The following AP1M1 variants were observed in gnomAD, a reference collection of about 807,000 sequenced individuals.
AP1M1 encodes AP-1 complex subunit mu-1.
A neutral mutation model predicts 57.1 loss-of-function variants in AP1M1; 18 were observed. The ratio of observed to expected loss-of-function variants is 0.32; its 90% CI spans 0.22 to 0.47. AP1M1 has a LOEUF of 0.47. Ranked by LOEUF, AP1M1 falls within the 20% of genes least tolerant of loss-of-function variation. The pLI, the probability that AP1M1 is intolerant of heterozygous loss-of-function variation, is 1.00. For synonymous variants in AP1M1, 241 were observed against 237.9 expected (o/e 1.01, Z -0.12); for missense variants, 362 against 593.5 (o/e 0.61, Z 4.05).
chr19:16,219,250 T>C (rs1316381462), intron 5 of AP1M1, among the ~76,000 whole-genome samples: 1 of 152,220 alleles, frequency 6.6e-6, no homozygotes, highest in African/African-American at 2.4e-5. Flanking sequence ...TAGTGTATTA[T>C]AGGTTGAGTA....
rs1246389792 is a variant in AP1M1 at position 16,203,145 on chromosome 19, G to A, written c.43-314G>A. The A allele has an allele frequency of 2.8e-6, 1 of 360,992 alleles. No individual in the cohort carries two copies. The highest frequency in any genetic ancestry group is 5.2e-6 in the Non-Finnish European group (1 of 192,964). 22.4% of individuals were successfully genotyped at this position (360,992 alleles called of 1,614,324 possible). ...GGCTCTGAGAAGGTCTGCATTGAGA[G>A]CTTGTGAGGCATTGCTTAACCTGAT... On this transcript the variant is annotated intron_variant, in intron 1 of 11. Transcript: ENST00000291439. The surrounding 1 kb of genome is among the most constrained non-coding windows in gnomAD (Gnocchi z 4.6).
rs761207558 is a variant in AP1M1 at position 16,240,272 on chromosome 19, G to GTA, written c.*5839_*5840dup. 1.0e-3 allele frequency: 28 copies of GTA among 27,952 alleles called. No individual in the cohort carries two copies. The highest frequency in any genetic ancestry group is 2.9e-3 in the African/African-American group (26 of 8,814). 1.7% of individuals were successfully genotyped at this position (27,952 alleles called of 1,614,324 possible). On this transcript the variant is annotated 3_prime_UTR_variant, in exon 12 of 12. Transcript: ENST00000291439. ...TGTGTGTGTGTGTGTGTGTGTGTGT[G>GTA]TATGTGTGTGTGTGTGTGTGTGTGT...
rs1387599139 is a variant in AP1M1 at position 16,233,600 on chromosome 19, C to T, written c.1155C>T (p.Phe385=). The T allele has an allele frequency of 1.2e-6, 2 of 1,611,376 alleles. No individual in the cohort carries two copies. The highest frequency in any genetic ancestry group is 8.5e-7 in the Non-Finnish European group (1 of 1,178,944). Residue 385 remains phenylalanine (F), a synonymous_variant, in exon 10 of 12, where the codon TTC becomes TTT. Coordinates refer to ENST00000291439, the MANE Select transcript of AP1M1 (RefSeq NM_032493.4). The part of the protein sequence containing the change: ...PISVKFEIPY[F]TTSGIQVRYL... Reference sequence around the variant, plus strand: ...GTGTCAAGTTCGAGATCCCTTACTTCACTACCTCCGGCATCCAGGTACGTA... The same window carrying T: ...GTGTCAAGTTCGAGATCCCTTACTTTACTACCTCCGGCATCCAGGTACGTA...
rs1343557139 is a variant in AP1M1 at position 16,203,930 on chromosome 19, G to A, written c.199+315G>A. On this transcript the variant is annotated intron_variant, in intron 2 of 11. Transcript: ENST00000291439. The surrounding 1 kb of genome is among the most constrained non-coding windows in gnomAD (Gnocchi z 4.6). ...CTGGAGGGGTGGGCAGGCACTAGGC[G>A]TGGGTGAAGGCTCTGCAGGGAAGAG... Among the ~76,000 whole-genome samples the A allele has an allele frequency of 2.6e-5, 4 of 152,182 alleles. No homozygotes were observed. Among genetic ancestry groups the A allele is most frequent in the Admixed American group, 2.0e-4 (3 of 15,280 alleles).
In AP1M1 at chr19:16,228,306, G is replaced by A. The variant is rs991326145; in HGVS notation, c.888+98G>A. 13 of 1,246,064 alleles carry A rather than the reference G, an allele frequency of 1.0e-5. No individual in the cohort carries two copies. Among genetic ancestry groups the A allele is most frequent in the Non-Finnish European group, 1.3e-5 (11 of 874,578 alleles). The allele number at this position is 1,246,064 out of a possible 1,614,324, so 77.2% of individuals were successfully genotyped here. ...TGGGGGTGCCGTAGGGCTGCCATCC[G>A]TGCACCCTCACTGTGGCCTCAGATG... On this transcript the variant is annotated intron_variant, in intron 8 of 11. Transcript: ENST00000291439. This position sits in a 1 kb window ranked among gnomAD's most constrained non-coding sequence, Gnocchi z 5.0.
At chr19:16,216,643 G>T (rs1478265909) in intron 5 of AP1M1, among the ~76,000 whole-genome samples, 1 of 152,196 alleles carries the variant, frequency 6.6e-6, no homozygotes, top group Non-Finnish European at 1.5e-5. Flanking sequence ...CTGGGGGTTT[G>T]ATTGTGTATA....
Position 16,227,760 on chromosome 19 carries a change from C to G in AP1M1, c.816+70C>G. 1.3e-6 allele frequency: 2 copies of G among 1,557,900 alleles called. No individual in the cohort carries two copies. The highest frequency in any genetic ancestry group is 1.7e-6 in the Non-Finnish European group (2 of 1,143,204). On this transcript the variant is annotated intron_variant, in intron 7 of 11. Coordinates refer to ENST00000291439, the MANE Select transcript of AP1M1 (RefSeq NM_032493.4). This position sits in a 1 kb window ranked among gnomAD's most constrained non-coding sequence, Gnocchi z 6.2. The stretch of plus-strand genomic sequence containing the variant: ...CCCCTTCACCTCCAGGAGGTGAAGC[C>G]CAGGCAGGCGCCAGGGCCAGCCCCA...
Position 16,228,989 on chromosome 19 carries a change from G to T in AP1M1, c.1047+61G>T. 6.3e-6 allele frequency: 10 copies of T among 1,576,348 alleles called. No individual in the cohort carries two copies. The highest frequency in any genetic ancestry group is 8.7e-6 in the Non-Finnish European group (10 of 1,153,910). On this transcript the variant is annotated intron_variant, in intron 9 of 11. Coordinates refer to ENST00000291439, the MANE Select transcript of AP1M1 (RefSeq NM_032493.4). This position sits in a 1 kb window ranked among gnomAD's most constrained non-coding sequence, Gnocchi z 5.0. ...CGCCTGTCTCTGCAAGGCAGCCTGG[G>T]TGCCTCAGGACCCCCTGCACCTCAA...
chr19:16,203,243 T>A lies in AP1M1; in HGVS notation c.43-216T>A. On this transcript the variant is annotated intron_variant, in intron 1 of 11. Transcript: ENST00000291439. The surrounding 1 kb of genome is among the most constrained non-coding windows in gnomAD (Gnocchi z 4.6). ...ACCCTCACCCTGCGAAGAACTGCAG[T>A]GGCCCCTGTGGGCATTCACACTGGG... 1 of 586,846 alleles carries A rather than the reference T, an allele frequency of 1.7e-6. No individual in the cohort carries two copies. The highest frequency in any genetic ancestry group is 3.0e-6 in the Non-Finnish European group (1 of 329,084). The allele number at this position is 586,846 out of a possible 1,614,324, so 36.4% of individuals were successfully genotyped here.
At position 16,236,873 on chromosome 19, in the gene AP1M1, A is replaced by G. The variant is rs2091627037; in HGVS notation, c.*2438A>G. The G allele has an allele frequency of 6.6e-6, 1 of 151,328 alleles. No homozygotes were observed. Among genetic ancestry groups the G allele is most frequent in the Non-Finnish European group, 1.5e-5 (1 of 68,040 alleles). 9.4% of individuals were successfully genotyped at this position (151,328 alleles called of 1,614,324 possible). ...ATTACAAAACACGTGCATGAAAGCAAACTTGAAACAGCAGGATCAGATCCT... is the reference window on the plus strand; with the variant it reads ...ATTACAAAACACGTGCATGAAAGCAGACTTGAAACAGCAGGATCAGATCCT... On this transcript the variant is annotated 3_prime_UTR_variant, in exon 12 of 12. Transcript: ENST00000291439.
In AP1M1 at chr19:16,234,098, G is replaced by A. The variant is rs1228713047; in HGVS notation, c.1174-101G>A. 7 of 1,184,620 alleles carry A rather than the reference G, an allele frequency of 5.9e-6. No individual in the cohort carries two copies. The African/African-American group carries it at 9.2e-5, about 15-fold the overall frequency. 73.4% of individuals were successfully genotyped at this position (1,184,620 alleles called of 1,614,324 possible). A position where few individuals can be genotyped will look rare whatever the true frequency, so the allele number is the denominator to read the frequency against. ...GGCCTGTGCTCATCCTGTCGTCATG[G>A]CCTCCCCTGCCAGCCCCAGGCTGCC... On this transcript the variant is annotated intron_variant, in intron 10 of 11. Coordinates refer to ENST00000291439, the MANE Select transcript of AP1M1 (RefSeq NM_032493.4).
rs1368108350 is a variant in AP1M1, at chr19:16,244,270, A to G, written c.*9835A>G. On this transcript the variant is annotated 3_prime_UTR_variant, in exon 12 of 12. Transcript: ENST00000291439. ...AAAAGTATTTCAAGAATGAGGTTACAGTAAAAACATTTTGCAGACAAATAA... is the reference window on the plus strand; with the variant it reads ...AAAAGTATTTCAAGAATGAGGTTACGGTAAAAACATTTTGCAGACAAATAA... 4 of 152,246 alleles carry G rather than the reference A, an allele frequency of 2.6e-5. No homozygotes were observed. Among genetic ancestry groups the G allele is most frequent in the African/African-American group, 9.6e-5 (4 of 41,464 alleles). 9.4% of individuals were successfully genotyped at this position (152,246 alleles called of 1,614,324 possible).
chr19:16,219,922 C>T (rs1462225695), intron 5 of AP1M1, among the ~76,000 whole-genome samples: 2 of 152,000 alleles, frequency 1.3e-5, no homozygotes, highest in Non-Finnish European at 2.9e-5. Flanking sequence ...AATGCTTAAC[C>T]TGTATTCTTT....
At chr19:16,211,020 A>T (rs548595944) in intron 5 of AP1M1, among the ~76,000 whole-genome samples, 1 of 152,004 alleles carries the variant, frequency 6.6e-6, no homozygotes, top group East Asian at 1.9e-4. Flanking sequence ...TGTGTGTTCC[A>T]GATAGAAGTC....
intron 2 of AP1M1, among the ~76,000 whole-genome samples, chr19:16,205,553 A>G (rs568694917): frequency 3.3e-5 from 5 of 152,224 alleles, no homozygotes; most frequent in Non-Finnish European, 7.4e-5. Context: ...CCTCCCTCCT[A>G]GAGCTCACTC....
chr19:16,241,419 A>G lies in AP1M1; in HGVS notation c.*6984A>G, dbSNP rs2091645156. 6.6e-6 allele frequency: 1 copy of G among 152,206 alleles called. No individual in the cohort carries two copies. The highest frequency in any genetic ancestry group is 1.5e-5 in the Non-Finnish European group (1 of 68,034). The allele number at this position is 152,206 out of a possible 1,614,324, so 9.4% of individuals were successfully genotyped here. On this transcript the variant is annotated 3_prime_UTR_variant, in exon 12 of 12. Coordinates refer to ENST00000291439, the MANE Select transcript of AP1M1 (RefSeq NM_032493.4). ...AAAGATGTGAGAAGGAATGCCGGAA[A>G]ACCTTAGAAACCATTGGATCTGTCT...
rs555489203 is a variant in AP1M1 at position 16,207,885 on chromosome 19, C to T, written c.268-134C>T. ...AACCTGGGTCCAGGGCCCTGTAGCA[C>T]ACCACCGAGCCTGGGAAGTAGGCTG... is the stretch of plus-strand genomic sequence containing the variant. On this transcript the variant is annotated intron_variant, in intron 3 of 11. Transcript: ENST00000291439. This position sits in a 1 kb window ranked among gnomAD's most constrained non-coding sequence, Gnocchi z 4.2. The T allele has an allele frequency of 5.7e-5, 69 of 1,214,218 alleles. No homozygotes were observed. In the East Asian group the frequency reaches 1.2e-3, roughly 21 times the overall value. 75.2% of individuals were successfully genotyped at this position (1,214,218 alleles called of 1,614,324 possible). A position where few individuals can be genotyped will look rare whatever the true frequency, so the allele number is the denominator to read the frequency against.
chr19:16,225,528 C>T (rs898408430), intron 5 of AP1M1, among the ~76,000 whole-genome samples: 3 of 152,206 alleles, frequency 2.0e-5, no homozygotes, highest in Non-Finnish European at 4.4e-5. Context: ...TCTTGGCTCA[C>T]GCAGGACAGG....
rs1047601173 is a variant in AP1M1 at position 16,237,703 on chromosome 19, C to T, written c.*3268C>T. 6.6e-6 allele frequency: 1 copy of T among 151,946 alleles called. No individual in the cohort carries two copies. The highest frequency in any genetic ancestry group is 1.5e-5 in the Non-Finnish European group (1 of 67,962). 9.4% of individuals were successfully genotyped at this position (151,946 alleles called of 1,614,324 possible). ...GAGCCGAGATCATACCACCTGCACTCCAGCCTGGGCAACAGAGCAAGACTT... is the reference window on the plus strand; with the variant it reads ...GAGCCGAGATCATACCACCTGCACTTCAGCCTGGGCAACAGAGCAAGACTT... On this transcript the variant is annotated 3_prime_UTR_variant, in exon 12 of 12. Transcript: ENST00000291439.
Sources: allele counts gnomAD v4.1 joint callset (sites outside exome capture counted in the v4.1 genomes callset), GRCh38; gene constraint gnomAD v4.1.1; non-coding constraint Gnocchi (gnomAD v3.1); transcripts MANE v1.5; gene names NCBI Gene and HGNC (gene_info 2026-07-23, HGNC 2026-07-21).